The following ITPR1 variants were observed in gnomAD, a reference collection of about 807,000 sequenced individuals.
The protein encoded by ITPR1 is inositol 1,4,5-trisphosphate-gated calcium channel ITPR1.
ITPR1 carries 96 observed loss-of-function variants against 318.4 expected under a neutral mutation model. The observed-to-expected ratio is 0.30, with a 90% CI of 0.26 to 0.36. The LOEUF is 0.36. Ranked by LOEUF, ITPR1 falls within the 10% of genes least tolerant of loss-of-function variation. ITPR1 has a pLI of 1.00. For synonymous variants in ITPR1, 1,312 were observed against 1,289.9 expected (o/e 1.02, Z -0.37); for missense variants, 2,440 against 3,460.2 (o/e 0.71, Z 7.40).
In ITPR1 at chr3:4,814,949, AT is replaced by A. The variant is rs1321884483; in HGVS notation, c.7702-101del. The A allele has an allele frequency of 2.4e-5, 23 of 966,608 alleles. No individual in the cohort carries two copies. The African/African-American group carries it at 3.6e-4, about 15-fold the overall frequency. The allele number at this position is 966,608 out of a possible 1,614,324, so 59.9% of individuals were successfully genotyped here. The stretch of plus-strand genomic sequence containing the variant: ...GTTTAAAAGTTGAATGCCCAATTTA[AT>A]TTCTACCCAAGTAGATGAGGTCTCA... On this transcript the variant is annotated intron_variant, in intron 58 of 61. Transcript: ENST00000649015.
chr3:4,659,123 A>G (rs746681276), intron 13 of ITPR1, among the ~76,000 whole-genome samples: 2 of 152,162 alleles, frequency 1.3e-5, no homozygotes, highest in Non-Finnish European at 2.9e-5. Context: ...CTCCAATACC[A>G]TGTTGGTTAA....
chr3:4,745,678 A>G (rs1186885979), intron 44 of ITPR1, among the ~76,000 whole-genome samples: 5 of 152,096 alleles, frequency 3.3e-5, no homozygotes, highest in South Asian at 2.1e-4. Context: ...TCCAGCAGCC[A>G]TTTATGCCAA....
In ITPR1 at chr3:4,779,668, T is replaced by C; in HGVS notation, c.6387+23T>C. The stretch of plus-strand genomic sequence containing the variant: ...CTGGTGAGTCGGGTGACGGATCTGA[T>C]GGTAGCACCAAGGAGCATTGCGACG... On this transcript the variant is annotated intron_variant, in intron 49 of 61. Coordinates refer to ENST00000649015, the MANE Select transcript of ITPR1 (RefSeq NM_001378452.1). This position sits in a 1 kb window ranked among gnomAD's most constrained non-coding sequence, Gnocchi z 4.0. 6.6e-7 allele frequency: 1 copy of C among 1,512,438 alleles called. No individual in the cohort carries two copies. The highest frequency in any genetic ancestry group is 2.3e-5 in the East Asian group (1 of 44,056). 93.7% of individuals were successfully genotyped at this position (1,512,438 alleles called of 1,614,324 possible). A position where few individuals can be genotyped will look rare whatever the true frequency, so the allele number is the denominator to read the frequency against.
At chr3:4,669,613 G>T (rs917192403) in intron 18 of ITPR1, 41 bp from the exon 19 acceptor site, 5 of 1,567,838 alleles carry the variant, frequency 3.2e-6, no homozygotes, top group African/African-American at 2.7e-5. Context: ...CCTAACCTCT[G>T]CTCTATCTAC....
At chr3:4,741,530 C>G (rs148463374) in intron 44 of ITPR1, among the ~76,000 whole-genome samples, 1 of 138,868 alleles carries the variant, frequency 7.2e-6, no homozygotes, top group Non-Finnish European at 1.5e-5. Flanking sequence ...TTCATGAGGC[C>G]TTTCCTACAC....
At chr3:4,715,176 C>G (rs566912095) in intron 39 of ITPR1, among the ~76,000 whole-genome samples, 1 of 152,220 alleles carries the variant, frequency 6.6e-6, no homozygotes, top group African/African-American at 2.4e-5. Flanking sequence ...CAAACCCAGA[C>G]AGTCCGATCC....
chr3:4,501,182 GAC>G lies in ITPR1; in HGVS notation c.-17+6678_-17+6679del, dbSNP rs1400739515. Among the ~76,000 whole-genome samples, 51 of 150,724 alleles carry G rather than the reference GAC, an allele frequency of 3.4e-4. 1 individual carries two copies. The South Asian group carries it at 0.011, about 31-fold the overall frequency. ...CAGCCAAACTTTTTTTTTTTTTAAT[GAC>G]ATGCACTAGAATAGAAAACATGGAA... On this transcript the variant is annotated intron_variant, in intron 2 of 61. Coordinates refer to ENST00000649015, the MANE Select transcript of ITPR1 (RefSeq NM_001378452.1).
intron 4 of ITPR1, among the ~76,000 whole-genome samples, chr3:4,564,204 G>C (rs866820164): frequency 2.6e-5 from 4 of 152,152 alleles, no homozygotes; most frequent in Non-Finnish European, 4.4e-5. Flanking sequence ...GCCTCCCAAA[G>C]TGCTGGGATT....
At chr3:4,540,613 G>T (rs1344834982) in intron 4 of ITPR1, among the ~76,000 whole-genome samples, 3 of 151,836 alleles carry the variant, frequency 2.0e-5, no homozygotes, top group Non-Finnish European at 2.9e-5. Flanking sequence ...TTTGAGACAG[G>T]GTCTCACTCT....
At chr3:4,594,443 T>TA (rs1487778911) in intron 4 of ITPR1, among the ~76,000 whole-genome samples, 1 of 152,146 alleles carries the variant, frequency 6.6e-6, no homozygotes, top group Non-Finnish European at 1.5e-5. Flanking sequence ...CAACCCAAGA[T>TA]AAAGATTCGT....
chr3:4,750,088 G>A (rs1197062085), intron 44 of ITPR1: 1 of 152,610 alleles, frequency 6.6e-6, no homozygotes, highest in African/African-American at 2.4e-5. Context: ...ATATACCTGT[G>A]GTGCTCGAAC....
chr3:4,828,347 T>C (rs746362686), intron 60 of ITPR1, among the ~76,000 whole-genome samples: 3 of 152,222 alleles, frequency 2.0e-5, no homozygotes, highest in Non-Finnish European at 4.4e-5. Flanking sequence ...TCTTAGCTAA[T>C]TGAAAGTGCA....
At chr3:4,699,787 G>A (rs748672907) in intron 34 of ITPR1, 26 bp from the exon 35 acceptor site, 1 of 1,612,256 alleles carries the variant, frequency 6.2e-7, no homozygotes, top group Non-Finnish European at 8.5e-7. Flanking sequence ...TTGGTGTAAT[G>A]CTTAACATAC....
Position 4,820,714 on chromosome 3 carries a change from T to C in ITPR1, c.8028+2472T>C, listed in dbSNP as rs1419863137. 2.6e-5 allele frequency among the ~76,000 whole-genome samples: 4 copies of C among 152,258 alleles called. No individual in the cohort carries two copies. In the East Asian group the frequency reaches 7.7e-4, roughly 29 times the overall value. On this transcript the variant is annotated intron_variant, in intron 60 of 61. Transcript: ENST00000649015. ...AAAGTTGTTGCAGAACCAGATGTTCTGTGCGCTAAGTGGTGGCTCAGAGAA... is the reference window on the plus strand; with the variant it reads ...AAAGTTGTTGCAGAACCAGATGTTCCGTGCGCTAAGTGGTGGCTCAGAGAA...
At chr3:4,564,775 AT>A (rs542209364) in intron 4 of ITPR1, among the ~76,000 whole-genome samples, 2 of 152,180 alleles carry the variant, frequency 1.3e-5, no homozygotes, top group African/African-American at 2.4e-5. Context: ...AATTTATGAT[AT>A]TTTTTTAAGC....
intron 10 of ITPR1, among the ~76,000 whole-genome samples, chr3:4,647,151 A>C (rs965459338): frequency 2.6e-5 from 4 of 151,890 alleles, no homozygotes; most frequent in African/African-American, 7.3e-5. Context: ...TACAGTATAC[A>C]GTCTTTATGT....
At chr3:4,756,322 A>C (rs928379380) in intron 44 of ITPR1, among the ~76,000 whole-genome samples, 14 of 142,202 alleles carry the variant, frequency 9.8e-5, no homozygotes, top group Non-Finnish European at 2.2e-4. Context: ...AATTTCAGCC[A>C]AATTTTTTTT....
intron 44 of ITPR1, among the ~76,000 whole-genome samples, chr3:4,735,924 A>G (rs866945917): frequency 6.6e-6 from 1 of 152,260 alleles, no homozygotes. Context: ...GGTATGATAT[A>G]TATTTAAAAC....
At chr3:4,674,412 A>G in intron 22 of ITPR1, 69 bp downstream of exon 22, 3 of 1,329,192 alleles carry the variant, frequency 2.3e-6, no homozygotes, top group Non-Finnish European at 3.1e-6. Context: ...TGGGGCAAAT[A>G]GAAAATATGT....
Sources: allele counts gnomAD v4.1 joint callset (sites outside exome capture counted in the v4.1 genomes callset), GRCh38; gene constraint gnomAD v4.1.1; non-coding constraint Gnocchi (gnomAD v3.1); transcripts MANE v1.5; gene names NCBI Gene and HGNC (gene_info 2026-07-23, HGNC 2026-07-21).